MGAM: variants seen among roughly 807,000 people sequenced by gnomAD.
MGAM encodes maltase-glucoamylase.
Under a neutral mutation model 358.8 loss-of-function variants are expected in MGAM, and 253 were observed. That is an observed-to-expected ratio of 0.71 (90% CI 0.64 to 0.78). The LOEUF is 0.78. MGAM is among the 30% of genes least tolerant of loss of function. MGAM has a pLI of 0.00. For synonymous variants in MGAM, 1,105 were observed against 1,227.1 expected, an observed-to-expected ratio of 0.90 and a Z score of 2.08; for missense variants, 3,080 against 3,432.6, an observed-to-expected ratio of 0.90 and a Z score of 2.57.
chr7:142,079,278 T>C (rs1399072951), intron 49 of MGAM, among the ~76,000 whole-genome samples: 1 of 145,278 alleles, frequency 6.9e-6, no homozygotes, highest in African/African-American at 2.4e-5. Flanking sequence ...GTTAGGCAGG[T>C]CAAGTGAGGG....
At chr7:142,103,203 A>G in intron 69 of MGAM, 66 bp from the exon 70 acceptor site, 1 of 1,349,206 alleles carries the variant, frequency 7.4e-7, no homozygotes, top group Non-Finnish European at 1.0e-6. Context: ...TTTGTGCCTA[A>G]AAAGAGGTTA....
In MGAM at chr7:142,068,716, G is replaced by A. The variant is rs1199900089; in HGVS notation, c.5061+13G>A. On this transcript the variant is annotated intron_variant, in intron 43 of 70. Transcript: ENST00000475668. ...CGATTACTACACGGTAAGTTTTTCT[G>A]AATGTTTATATAACACGGGAATGTG... 6.7e-7 allele frequency: 1 copy of A among 1,492,118 alleles called. No individual in the cohort carries two copies. The highest frequency in any genetic ancestry group is 9.3e-7 in the Non-Finnish European group (1 of 1,077,650). The allele number at this position is 1,492,118 out of a possible 1,614,324, so 92.4% of individuals were successfully genotyped here. A position where few individuals can be genotyped will look rare whatever the true frequency, so the allele number is the denominator to read the frequency against.
At chr7:142,077,562 T>A (rs1049993089) in intron 47 of MGAM, among the ~76,000 whole-genome samples, 1 of 145,454 alleles carries the variant, frequency 6.9e-6, no homozygotes, top group Non-Finnish European at 1.6e-5. Flanking sequence ...AGGTTTCAAA[T>A]TTGCAGCCTT....
chr7:142,081,920 T>C, intron 50 of MGAM, 122 bp from the exon 51 acceptor site: 1 of 1,031,310 alleles, frequency 9.7e-7, no homozygotes, highest in Non-Finnish European at 1.5e-6. Flanking sequence ...GTTTCAGTTT[T>C]GTTTGGGAGA....
At chr7:142,099,500 G>C in intron 66 of MGAM, 113 bp from the exon 67 acceptor site, 1 of 1,525,648 alleles carries the variant, frequency 6.6e-7, no homozygotes, top group Non-Finnish European at 9.0e-7. Flanking sequence ...ATGTTGCAAA[G>C]GGTGATGAGC....
At chr7:142,046,318 C>T (rs911664032) in intron 21 of MGAM, among the ~76,000 whole-genome samples, 1 of 151,442 alleles carries the variant, frequency 6.6e-6, no homozygotes, top group Non-Finnish European at 1.5e-5. Context: ...ACTTTGTTGA[C>T]TTTCTTTCAT....
intron 8 of MGAM, among the ~76,000 whole-genome samples, chr7:142,026,319 G>T (rs1262805756): frequency 6.6e-6 from 1 of 152,090 alleles, no homozygotes; most frequent in Non-Finnish European, 1.5e-5. Context: ...CATGTTCTGT[G>T]GTTATGAAAG....
intron 45 of MGAM, among the ~76,000 whole-genome samples, chr7:142,075,021 T>C (rs1408250564): frequency 6.8e-6 from 1 of 146,282 alleles, no homozygotes; most frequent in East Asian, 2.0e-4. Context: ...CTGCAGGCTC[T>C]AAGAACAACT....
chr7:142,033,426 G>A (rs1554464546), intron 14 of MGAM, among the ~76,000 whole-genome samples: 1 of 152,168 alleles, frequency 6.6e-6, no homozygotes, highest in East Asian at 1.9e-4. Flanking sequence ...TCAGGGTGTG[G>A]CCTTGGCATC....
chr7:142,050,643 A>G (rs977635812), intron 23 of MGAM, 54 bp from the exon 24 acceptor site: 85 of 1,528,656 alleles, frequency 5.6e-5, no homozygotes, highest in Non-Finnish European at 6.7e-5. Context: ...GTGACTTGAG[A>G]ATCTGTGTAT....
intron 66 of MGAM, among the ~76,000 whole-genome samples, chr7:142,097,860 A>AAGC (rs933268720): frequency 6.0e-5 from 9 of 150,530 alleles, no homozygotes; most frequent in African/African-American, 2.0e-4. Flanking sequence ...ATGACACATA[A>AAGC]AGCATCTCAC....
Position 142,051,399 on chromosome 7 carries a change from A to G in MGAM, c.2805+535A>G, listed in dbSNP as rs1478133936. Among the ~76,000 whole-genome samples the G allele has an allele frequency of 1.1e-4, 16 of 152,256 alleles. No homozygotes were observed. In the East Asian group the frequency reaches 3.1e-3, roughly 29 times the overall value. ...CTGGGGACTAGTAGAACAGGGAAGT[A>G]CAAGATGGTTTAGATTGGGAGGAGA... On this transcript the variant is annotated intron_variant, in intron 24 of 70. Transcript: ENST00000475668.
chr7:142,045,494 G>T (rs1810115880), intron 21 of MGAM, among the ~76,000 whole-genome samples: 2 of 102,644 alleles, frequency 1.9e-5, no homozygotes, highest in Non-Finnish European at 3.5e-5. Flanking sequence ...TACAATATAT[G>T]ATATTATATA....
At chr7:141,988,290 T>C (rs1483863244) in intron 2 of MGAM, among the ~76,000 whole-genome samples, 1 of 152,036 alleles carries the variant, frequency 6.6e-6, no homozygotes, top group Non-Finnish European at 1.5e-5. Context: ...AGCAAGACTC[T>C]GTCTTAAAAA....
intron 12 of MGAM, among the ~76,000 whole-genome samples, 187 bp downstream of exon 12, chr7:142,030,944 T>A (rs80157235): frequency 0.013 from 1,971 of 152,190 alleles, 30 homozygotes; most frequent in African/African-American, 0.045. Context: ...TCGTAGCTTT[T>A]TGATTCCCTT....
Position 142,064,536 on chromosome 7 carries a change from T to C in MGAM, c.4484+14T>C. On this transcript the variant is annotated intron_variant, in intron 37 of 70. Transcript: ENST00000475668. Reference sequence around the variant, plus strand: ...ACCCACATACGAGTGAGTCTCCGTCTCCCTTCTCCAGCTGTCACAACCTAT... The same window carrying C: ...ACCCACATACGAGTGAGTCTCCGTCCCCCTTCTCCAGCTGTCACAACCTAT... The C allele has an allele frequency of 6.4e-7, 1 of 1,565,786 alleles. No individual in the cohort carries two copies. Among genetic ancestry groups the C allele is most frequent in the Non-Finnish European group, 8.7e-7 (1 of 1,155,232 alleles).
chr7:142,082,181 G>A lies in MGAM; in HGVS notation c.6142G>A (p.Gly2048Arg), dbSNP rs1452782176. ...YRRDLEWHTW[G>R]MFSRDQPPGY... ...GAGAGACTTGGAGTGGCACACTTGG[G>A]GGATGTTCTCCCGAGACCAGCCCCC... The change falls in exon 51 of 71, where the codon GGG becomes AGG. Residue 2048 changes from glycine (G) to arginine (R), a missense_variant. Transcript: ENST00000475668. 1 of 1,555,098 alleles carries A rather than the reference G, an allele frequency of 6.4e-7. No homozygotes were observed. The highest frequency in any genetic ancestry group is 1.7e-5 in the Admixed American group (1 of 58,418).
chr7:142,051,851 A>T (rs1180139671), intron 24 of MGAM, among the ~76,000 whole-genome samples: 1 of 152,134 alleles, frequency 6.6e-6, no homozygotes, highest in Non-Finnish European at 1.5e-5. Context: ...CATTCTACAG[A>T]AATGTGGGCA....
At chr7:142,039,817 AC>A (rs2129010885) in intron 19 of MGAM, among the ~76,000 whole-genome samples, 1 of 152,294 alleles carries the variant, frequency 6.6e-6, no homozygotes, top group East Asian at 1.9e-4. Flanking sequence ...AATGGTACCC[AC>A]CATTTGGGAA....
Sources: allele counts gnomAD v4.1 joint callset (sites outside exome capture counted in the v4.1 genomes callset), GRCh38; gene constraint gnomAD v4.1.1; transcripts MANE v1.5; gene names NCBI Gene and HGNC (gene_info 2026-07-23, HGNC 2026-07-21).